CD70: variants seen among roughly 807,000 people sequenced by gnomAD.
The protein encoded by CD70 is CD70 molecule.
CD70 carries 6 observed loss-of-function variants against 9.0 expected under a neutral mutation model. That is an observed-to-expected ratio of 0.67 (90% CI 0.37 to 1.32). CD70 has a LOEUF of 1.32. CD70 is among the 40% of genes most tolerant of loss of function. The probability of loss-of-function intolerance (pLI) is 0.02; values close to 1 mark genes in which losing one functional copy is unlikely to be tolerated. For synonymous variants in CD70, 108 were observed against 112.3 expected (o/e 0.96, Z 0.24); for missense variants, 235 against 258.7 (o/e 0.91, Z 0.63).
chr19:6,582,763 T>C (rs902144096), downstream of CD70, among the ~76,000 whole-genome samples: 8 of 152,316 alleles, frequency 5.3e-5, no homozygotes, highest in Middle Eastern at 3.4e-3. Context: ...CAGTCTATCA[T>C]TGATGGACAT....
intron 2 of CD70, among the ~76,000 whole-genome samples, chr19:6,586,872 GGGAGAGAGAGACACCA>G (rs1255430736): frequency 1.4e-5 from 2 of 139,458 alleles, no homozygotes; most frequent in Non-Finnish European, 3.1e-5. Context: ...GGTAGAGACA[GGGAGAGAGAGACACCA>G]GGAGAGAGAG....
intron 2 of CD70, among the ~76,000 whole-genome samples, chr19:6,586,878 G>T (rs1916028289): frequency 8.0e-6 from 1 of 124,518 alleles, no homozygotes; most frequent in Non-Finnish European, 1.6e-5. Flanking sequence ...GACAGGGAGA[G>T]AGAGACACCA....
Position 6,586,158 on chromosome 19 carries a change from G to A in CD70, c.444C>T (p.His148=), listed in dbSNP as rs776957907. The stretch of plus-strand genomic sequence containing the variant: ...GCTGGGAGGCAATGGTACAACCTTG[G>A]TGGAAGCTGAGACGCAGCAGGCTGA... ...RSISLLRLSF[H]QGCTIASQRL... Residue 148 remains histidine, a synonymous_variant, in exon 3 of 3, where the codon CAC becomes CAT. Transcript: ENST00000245903. 2 of 1,614,040 alleles carry A rather than the reference G, an allele frequency of 1.2e-6. No homozygotes were observed. Among genetic ancestry groups the A allele is most frequent in the African/African-American group, 1.3e-5 (1 of 74,946 alleles).
At chr19:6,589,305 C>G (rs1386239334) in intron 2 of CD70, among the ~76,000 whole-genome samples, 1 of 149,734 alleles carries the variant, frequency 6.7e-6, no homozygotes, top group Non-Finnish European at 1.5e-5. Flanking sequence ...TTTCCTTTCT[C>G]TCTCTCTCAC....
downstream of CD70, among the ~76,000 whole-genome samples, chr19:6,582,266 G>C (rs1212602499): frequency 1.3e-5 from 2 of 150,966 alleles, no homozygotes; most frequent in Non-Finnish European, 2.9e-5. Context: ...GAACTCTTCA[G>C]CTCAGGCAAT....
In CD70 at chr19:6,590,022, T is replaced by TC; in HGVS notation, c.196+80dup. The TC allele has an allele frequency of 8.9e-7, 1 of 1,125,922 alleles. No homozygotes were observed. Among genetic ancestry groups the TC allele is most frequent in the South Asian group, 1.3e-5 (1 of 76,720 alleles). 69.7% of individuals were successfully genotyped at this position (1,125,922 alleles called of 1,614,324 possible). Reference sequence around the variant, plus strand: ...GTCTGTGTCTCTTTCTCTCTGTCTCTCCCCACTTGTCTTTCTACCTCTCCT... The same window carrying TC: ...GTCTGTGTCTCTTTCTCTCTGTCTCTCCCCCACTTGTCTTTCTACCTCTCCT... On this transcript the variant is annotated intron_variant, in intron 2 of 2. Coordinates refer to ENST00000245903, the MANE Select transcript of CD70 (RefSeq NM_001252.5). This position sits in a 1 kb window ranked among gnomAD's most constrained non-coding sequence, Gnocchi z 5.3.
chr19:6,581,661 C>CTATT (rs2145315849), downstream of CD70, among the ~76,000 whole-genome samples: 1 of 152,188 alleles, frequency 6.6e-6, no homozygotes, highest in African/African-American at 2.4e-5. Flanking sequence ...CTAAAAAATT[C>CTATT]TATTTTATAT....
Position 6,591,142 on chromosome 19 carries a change from C to T in CD70, c.-140G>A. ...TTCAACCTGTCAGGGGACCAGCCTG[C>T]CCCTCTCTGGGGATGTCCGGCCGGT... is the stretch of plus-strand genomic sequence containing the variant. On this transcript the variant is annotated 5_prime_UTR_variant, in exon 1 of 3. Coordinates refer to ENST00000245903, the MANE Select transcript of CD70 (RefSeq NM_001252.5). The T allele has an allele frequency of 1.2e-6, 1 of 844,076 alleles. No homozygotes were observed. The highest frequency in any genetic ancestry group is 2.9e-5 in the East Asian group (1 of 34,588). The allele number at this position is 844,076 out of a possible 1,614,324, so 52.3% of individuals were successfully genotyped here.
Position 6,586,261 on chromosome 19 carries a change from A to G in CD70, c.341T>C (p.Ile114Thr). ...CCTGGAGGCCGTCGTGGAGGAGCAG[A>G]TGGCCAGCGTCACCTGGATGTGTAC... ...YMVHIQVTLA[I>T]CSSTTASRHH... Residue 114 changes from isoleucine to threonine, a missense_variant, in exon 3 of 3, where the codon ATC becomes ACC. Transcript: ENST00000245903. 1 of 1,613,970 alleles carries G rather than the reference A, an allele frequency of 6.2e-7. No homozygotes were observed. Among genetic ancestry groups the G allele is most frequent in the Non-Finnish European group, 8.5e-7 (1 of 1,180,004 alleles).
chr19:6,583,789 A>ATT (rs59486408), downstream of CD70, among the ~76,000 whole-genome samples: 1 of 98,882 alleles, frequency 1.0e-5, no homozygotes, highest in African/African-American at 3.9e-5. Context: ...TGTGGTCTTG[A>ATT]TTTTTTTTTT....
chr19:6,583,569 T>TTTTTTG, downstream of CD70: 2 of 395,090 alleles, frequency 5.1e-6, no homozygotes, highest in Non-Finnish European at 8.7e-6. Context: ...TTTTTTTTTT[T>TTTTTTG]TTTTTTTTAA....
In CD70 at chr19:6,590,348, G is replaced by A. The variant is rs1029318123; in HGVS notation, c.163-212C>T. 1.2e-4 allele frequency among the ~76,000 whole-genome samples: 18 copies of A among 152,184 alleles called. No individual in the cohort carries two copies. The highest frequency in any genetic ancestry group is 4.3e-4 in the African/African-American group (18 of 41,454). On this transcript the variant is annotated intron_variant, in intron 1 of 2. Coordinates refer to ENST00000245903, the MANE Select transcript of CD70 (RefSeq NM_001252.5). This position sits in a 1 kb window ranked among gnomAD's most constrained non-coding sequence, Gnocchi z 5.3. ...GAACCAGCGGGGAACGTGAAGTCGAGACCTTCAAAAGAACTTCTTCGTTTC... is the reference window on the plus strand; with the variant it reads ...GAACCAGCGGGGAACGTGAAGTCGAAACCTTCAAAAGAACTTCTTCGTTTC...
chr19:6,581,816 A>T (rs1915922491), downstream of CD70, among the ~76,000 whole-genome samples: 1 of 152,062 alleles, frequency 6.6e-6, no homozygotes, highest in Non-Finnish European at 1.5e-5. Flanking sequence ...CAAAGTCTTA[A>T]CTCATTTCAG....
intron 2 of CD70, among the ~76,000 whole-genome samples, chr19:6,587,328 G>C (rs539034930): frequency 6.6e-6 from 1 of 151,946 alleles, no homozygotes; most frequent in African/African-American, 2.4e-5. Flanking sequence ...GAGAGCAAGA[G>C]AGAGAGTGTG....
At chr19:6,583,132 G>T, downstream of CD70, 1 of 448,324 alleles carries the variant, frequency 2.2e-6, no homozygotes, top group Non-Finnish European at 4.0e-6. Flanking sequence ...TTCTAGAAGT[G>T]AGATCATGGA....
chr19:6,589,929 T>C (rs927768567), intron 2 of CD70, among the ~76,000 whole-genome samples, 174 bp downstream of exon 2: 1 of 79,700 alleles, frequency 1.3e-5, no homozygotes, highest in East Asian at 5.1e-4. Context: ...CCTCCCTCTC[T>C]GTCTTCTCTC....
chr19:6,584,966 G>A (rs1915986562), downstream of CD70, among the ~76,000 whole-genome samples: 1 of 152,048 alleles, frequency 6.6e-6, no homozygotes, highest in Non-Finnish European at 1.5e-5. Flanking sequence ...GGGTACATGT[G>A]CAGGATGTGT....
At position 6,590,847 on chromosome 19, in the gene CD70, T is replaced by C. The variant is rs1446559138; in HGVS notation, c.156A>G (p.Ser52=). 2 of 1,612,938 alleles carry C rather than the reference T, an allele frequency of 1.2e-6. No homozygotes were observed. The highest frequency in any genetic ancestry group is 1.7e-6 in the Non-Finnish European group (2 of 1,179,514). The change falls in exon 1 of 3, where the codon TCA becomes TCG. Residue 52 remains serine, a synonymous_variant. Coordinates refer to ENST00000245903, the MANE Select transcript of CD70 (RefSeq NM_001252.5). This position sits in a 1 kb window ranked among gnomAD's most constrained non-coding sequence, Gnocchi z 5.3. ...CTTTTCCATCTCAACTCACCCCAAG[T>C]GACTCGAGCGGCAGCTGCTGCTGAG... The part of the protein sequence containing the change: ...AQAQQQLPLE[S]LGWDVAELQL...
chr19:6,590,057 CT>C lies in CD70; in HGVS notation c.196+45del. 1.3e-6 allele frequency: 2 copies of C among 1,544,404 alleles called. No individual in the cohort carries two copies. Among genetic ancestry groups the C allele is most frequent in the Non-Finnish European group, 1.8e-6 (2 of 1,120,524 alleles). On this transcript the variant is annotated intron_variant, in intron 2 of 2. Coordinates refer to ENST00000245903, the MANE Select transcript of CD70 (RefSeq NM_001252.5). This position sits in a 1 kb window ranked among gnomAD's most constrained non-coding sequence, Gnocchi z 5.3. Reference sequence around the variant, plus strand: ...TCTTTCTACCTCTCCTTCCTTCTCTCTCTGTGCCTCTTCTTCTCCCCGTCCC... The same window carrying C: ...TCTTTCTACCTCTCCTTCCTTCTCTCCTGTGCCTCTTCTTCTCCCCGTCCC...
Sources: gnomAD v4.1 joint callset for allele counts (sites outside exome capture counted in the v4.1 genomes callset) on GRCh38, gnomAD v4.1.1 for gene constraint, Gnocchi (gnomAD v3.1) non-coding constraint, MANE v1.5 for transcripts, NCBI Gene and HGNC (gene_info 2026-07-23, HGNC 2026-07-21) for gene names.